Variants in ZNF19 observed in about 807,000 individuals in gnomAD.
ZNF19 encodes the protein zinc finger protein 19 (KOX 12).
ZNF19 carries 11 observed loss-of-function variants against 13.1 expected under a neutral mutation model. The ratio of observed to expected loss-of-function variants is 0.84; its 90% CI spans 0.53 to 1.39. The LOEUF (loss-of-function observed/expected upper bound fraction) is 1.39, where lower values mean the gene tolerates loss of function less well. Among genes scored for constraint, ZNF19 ranks in the 40% most tolerant of loss-of-function variants. The pLI, the probability that ZNF19 is intolerant of heterozygous loss-of-function variation, is 0.00. For synonymous variants in ZNF19, 186 were observed against 187.0 expected (o/e 0.99, Z 0.04); for missense variants, 560 against 547.0 (o/e 1.02, Z -0.24).
chr16:71,483,609 T>A (rs2043653187), intron 2 of ZNF19, among the ~76,000 whole-genome samples: 3 of 152,240 alleles, frequency 2.0e-5, no homozygotes, highest in African/African-American at 7.2e-5. Flanking sequence ...CACCTTCAGA[T>A]CATGATCGCT....
Position 71,475,458 on chromosome 16 carries a change from T to G in ZNF19, c.1089A>C (p.Gly363=). The change falls in exon 6 of 6, where the codon GGA becomes GGC. Residue 363 remains glycine (G), a synonymous_variant. Transcript: ENST00000288177. The part of the protein sequence containing the change: ...EEKPFDCVDC[G]KAFSAQEQLK... ...ATTGTTCCTGAGCACTGAAGGCTTT[T>G]CCACAATCTACACAGTCAAAGGGTT... 2.5e-6 allele frequency: 4 copies of G among 1,612,140 alleles called. No individual in the cohort carries two copies. Among genetic ancestry groups the G allele is most frequent in the Non-Finnish European group, 3.4e-6 (4 of 1,179,342 alleles).
In ZNF19 at chr16:71,475,481, G is replaced by C. The variant is rs2043594747; in HGVS notation, c.1066C>G (p.Pro356Ala). 3 of 1,614,190 alleles carry C rather than the reference G, an allele frequency of 1.9e-6. No individual in the cohort carries two copies. The highest frequency in any genetic ancestry group is 2.5e-6 in the Non-Finnish European group (3 of 1,180,020). Residue 356 changes from proline to alanine, a missense_variant, in exon 6 of 6, where the codon CCC becomes GCC. Physicochemically the swap from Pro to Ala is conservative, Grantham distance 27 (BLOSUM62 -1). Transcript: ENST00000288177. ...RHQRIHSEEK[P>A]FDCVDCGKAF... is the part of the protein sequence containing the mutation. ...TTTCCACAATCTACACAGTCAAAGG[G>C]TTTCTCCTCACTGTGAATTCTCTGG...
intron 3 of ZNF19, among the ~76,000 whole-genome samples, chr16:71,480,253 A>G (rs1240817028): frequency 6.6e-6 from 1 of 151,936 alleles, no homozygotes; most frequent in African/African-American, 2.4e-5. Flanking sequence ...CGACCTTCCA[A>G]TGCCTCAACT....
chr16:71,484,232 C>T (rs943240280), intron 2 of ZNF19, among the ~76,000 whole-genome samples: 1 of 152,236 alleles, frequency 6.6e-6, no homozygotes, highest in Non-Finnish European at 1.5e-5. Flanking sequence ...CACGCCCCGC[C>T]TCATTCACCG....
In ZNF19 at chr16:71,475,744, G is replaced by A. The variant is rs774532473; in HGVS notation, c.803C>T (p.Thr268Ile). The change falls in exon 6 of 6, where the codon ACT (threonine) becomes ATT (isoleucine). Residue 268 changes from threonine to isoleucine, a missense_variant. By Grantham distance (89) the Thr-to-Ile change is moderately conservative. Transcript: ENST00000288177. The part of the protein sequence containing the change: ...SEFVIHQRIH[T>I]GEKPYECNEC... ...ATTACACTCATAGGGTTTCTCCCCAGTGTGGATTCTCTGATGTATAACAAA... is the reference window on the plus strand; with the variant it reads ...ATTACACTCATAGGGTTTCTCCCCAATGTGGATTCTCTGATGTATAACAAA... The A allele has an allele frequency of 5.0e-6, 8 of 1,614,092 alleles. No homozygotes were observed. The highest frequency in any genetic ancestry group is 6.8e-6 in the Non-Finnish European group (8 of 1,179,988).
At chr16:71,477,429 AC>A (rs763048416) in intron 5 of ZNF19, among the ~76,000 whole-genome samples, 2 of 151,530 alleles carry the variant, frequency 1.3e-5, no homozygotes, top group Non-Finnish European at 2.9e-5. Context: ...TCTGCAAACC[AC>A]CTGCACTGAA....
chr16:71,484,848 T>C (rs2043665131), intron 1 of ZNF19, 100 bp from the exon 2 acceptor site: 1 of 451,196 alleles, frequency 2.2e-6, no homozygotes, highest in African/African-American at 2.1e-5. Flanking sequence ...GTATCAGCCG[T>C]ATCTGTGACT....
intron 1 of ZNF19, among the ~76,000 whole-genome samples, chr16:71,486,351 A>T (rs1008494986): frequency 6.7e-6 from 1 of 149,472 alleles, no homozygotes; most frequent in Non-Finnish European, 1.5e-5. Flanking sequence ...ACAAAGCGAG[A>T]CCCTGTCAAA....
In ZNF19 at chr16:71,475,699, A is replaced by G; in HGVS notation, c.848T>C (p.Val283Ala). The G allele has an allele frequency of 6.2e-7, 1 of 1,612,246 alleles. No homozygotes were observed. Among genetic ancestry groups the G allele is most frequent in the Non-Finnish European group, 8.5e-7 (1 of 1,178,720 alleles). ...ATGCCGAAGTAGGGGTGAATTACCA[A>G]CAAAAGCTTTGCCACACTCATTACA... is the stretch of plus-strand genomic sequence containing the variant. ...YECNECGKAFVGNSPLLRHQK... is the reference protein window; with the variant it reads ...YECNECGKAFAGNSPLLRHQK... The change falls in exon 6 of 6, where the codon GTT (valine) becomes GCT (alanine). Residue 283 changes from valine (V) to alanine (A), a missense_variant. By Grantham distance (64) the Val-to-Ala change is moderately conservative. Coordinates refer to ENST00000288177, the MANE Select transcript of ZNF19 (RefSeq NM_006961.4).
chr16:71,488,026 T>C (rs1277533965), intron 1 of ZNF19, among the ~76,000 whole-genome samples: 2 of 152,088 alleles, frequency 1.3e-5, no homozygotes, highest in Admixed American at 6.5e-5. Context: ...TTTAACATCA[T>C]ATTGGGAGTC....
At position 71,475,733 on chromosome 16, in the gene ZNF19, G is replaced by A. The variant is rs759490984; in HGVS notation, c.814C>T (p.Pro272Ser). The change falls in exon 6 of 6, where the codon CCC (proline) becomes TCC (serine). Residue 272 changes from proline (P) to serine (S), a missense_variant. Physicochemically the swap from Pro to Ser is moderately conservative, Grantham distance 74. Transcript: ENST00000288177. ...IHQRIHTGEK[P>S]YECNECGKAF... The stretch of plus-strand genomic sequence containing the variant: ...TTGCCACACTCATTACACTCATAGG[G>A]TTTCTCCCCAGTGTGGATTCTCTGA... 7 of 1,614,018 alleles carry A rather than the reference G, an allele frequency of 4.3e-6. 1 individual carries two copies. The South Asian group carries it at 7.7e-5, about 18-fold the overall frequency.
intron 3 of ZNF19, among the ~76,000 whole-genome samples, chr16:71,481,835 T>G (rs916895940): frequency 6.6e-6 from 1 of 152,162 alleles, no homozygotes; most frequent in Non-Finnish European, 1.5e-5. Context: ...CTACTGAACC[T>G]GGGGATCCTC....
At chr16:71,480,391 TA>T (rs1221885213) in intron 3 of ZNF19, among the ~76,000 whole-genome samples, 1 of 152,218 alleles carries the variant, frequency 6.6e-6, no homozygotes, top group Non-Finnish European at 1.5e-5. Context: ...CTAATTTATA[TA>T]AACTAAGTGG....
chr16:71,488,357 C>CAAAAAAAAA (rs1204906609), intron 1 of ZNF19, among the ~76,000 whole-genome samples: 1 of 65,386 alleles, frequency 1.5e-5, no homozygotes. Context: ...GAGACTATCT[C>CAAAAAAAAA]AAAAAAAAAA....
At position 71,475,888 on chromosome 16, in the gene ZNF19, TCA is replaced by T; in HGVS notation, c.657_658del (p.Cys219Ter). On this transcript the variant is annotated stop_gained and frameshift_variant, in exon 6 of 6. Coordinates refer to ENST00000288177, the MANE Select transcript of ZNF19 (RefSeq NM_006961.4). LOFTEE classifies it low-confidence loss of function (END_TRUNC). ...ATCATTAAAGGCTCGCCCACACTCC[TCA>T]CACTGATAGGGTCTCTCTCCAGTGT... 1.2e-6 allele frequency: 2 copies of T among 1,612,982 alleles called. No homozygotes were observed. Among genetic ancestry groups the T allele is most frequent in the Non-Finnish European group, 1.7e-6 (2 of 1,179,354 alleles).
intron 3 of ZNF19, among the ~76,000 whole-genome samples, chr16:71,479,573 G>A (rs141032533): frequency 3.9e-5 from 6 of 152,254 alleles, no homozygotes; most frequent in African/African-American, 1.4e-4. Context: ...GTGCTCAAGA[G>A]CATCCTGTAG....
intron 4 of ZNF19, 99 bp downstream of exon 4, chr16:71,478,780 A>G (rs1597014012): frequency 6.7e-7 from 1 of 1,487,014 alleles, no homozygotes; most frequent in Non-Finnish European, 9.1e-7. Context: ...ACAAGAGACA[A>G]CCTCTCCTCT....
chr16:71,481,379 A>C (rs2043636103), intron 3 of ZNF19, among the ~76,000 whole-genome samples: 1 of 152,238 alleles, frequency 6.6e-6, no homozygotes, highest in South Asian at 2.1e-4. Context: ...TCCGTCTCAA[A>C]AAGTGAAATG....
At chr16:71,486,739 C>G (rs1300747034) in intron 1 of ZNF19, among the ~76,000 whole-genome samples, 1 of 152,180 alleles carries the variant, frequency 6.6e-6, no homozygotes, top group Admixed American at 6.5e-5. Flanking sequence ...CTCTCTTCTT[C>G]CCCCAATTCT....
Sources: allele counts gnomAD v4.1 joint callset (sites outside exome capture counted in the v4.1 genomes callset), GRCh38; gene constraint gnomAD v4.1.1; transcripts MANE v1.5; gene names NCBI Gene and HGNC (gene_info 2026-07-23, HGNC 2026-07-21).